Variants in GNG12 observed in about 807,000 individuals in gnomAD.
The protein encoded by GNG12 is G protein subunit gamma 12, also known as guanine nucleotide-binding protein G(I)/G(S)/G(O) subunit gamma-12.
For missense variants in GNG12, 69 were observed against 83.8 expected (o/e 0.82, Z 0.69); for synonymous variants, 28 against 29.7 (o/e 0.94, Z 0.19).
chr1:67,753,058 T>C (rs1354043404), intron 2 of GNG12, among the ~76,000 whole-genome samples: 2 of 152,264 alleles, frequency 1.3e-5, no homozygotes, highest in Admixed American at 1.3e-4. Context: ...CCATGTGCCC[T>C]CTTCCCTACT....
At chr1:67,796,727 T>A (rs1040545628) in intron 1 of GNG12, among the ~76,000 whole-genome samples, 1 of 152,190 alleles carries the variant, frequency 6.6e-6, no homozygotes, top group Admixed American at 6.5e-5. Flanking sequence ...TTTGCTAAGG[T>A]CAATAGAAAT....
intron 2 of GNG12, among the ~76,000 whole-genome samples, chr1:67,769,607 A>G (rs1646661493): frequency 6.6e-6 from 1 of 152,144 alleles, no homozygotes; most frequent in South Asian, 2.1e-4. Flanking sequence ...TCCAAATACT[A>G]GCTTTCTGCT....
chr1:67,785,581 G>A lies in GNG12; in HGVS notation c.-76-8074C>T, dbSNP rs947692944. Among the ~76,000 whole-genome samples the A allele has an allele frequency of 8.5e-5, 13 of 152,234 alleles. No homozygotes were observed. The East Asian group carries it at 1.7e-3, about 20-fold the overall frequency. The stretch of plus-strand genomic sequence containing the variant: ...CTGGCATCTTTCTCTGCATGGAGGA[G>A]CACTCGTTCGATGTTTTACAGAGAT... On this transcript the variant is annotated intron_variant, in intron 1 of 3. Transcript: ENST00000370982.
chr1:67,713,574 G>A (rs963383732), intron 2 of GNG12, among the ~76,000 whole-genome samples: 1 of 152,114 alleles, frequency 6.6e-6, no homozygotes, highest in African/African-American at 2.4e-5. Flanking sequence ...AAGCCATTAT[G>A]GCCTGGCCAG....
At chr1:67,793,044 C>CTG (rs1283704009) in intron 1 of GNG12, among the ~76,000 whole-genome samples, 1 of 152,190 alleles carries the variant, frequency 6.6e-6, no homozygotes, top group Non-Finnish European at 1.5e-5. Context: ...CAATGTCACT[C>CTG]TGTGAATTCC....
chr1:67,732,480 C>A (rs1425712797), intron 2 of GNG12, among the ~76,000 whole-genome samples: 1 of 152,154 alleles, frequency 6.6e-6, no homozygotes, highest in Non-Finnish European at 1.5e-5. Context: ...GGACTAAGTA[C>A]TTTAAATACT....
chr1:67,707,968 T>C (rs376430298), intron 2 of GNG12, among the ~76,000 whole-genome samples: 3 of 152,278 alleles, frequency 2.0e-5, no homozygotes, highest in African/African-American at 2.4e-5. Flanking sequence ...CACCCCAACA[T>C]ATAACACAAA....
At chr1:67,818,413 G>GTT (rs1163831257) in intron 1 of GNG12, among the ~76,000 whole-genome samples, 4,554 of 83,834 alleles carry the variant, frequency 0.054, 391 homozygotes, top group African/African-American at 0.089. Flanking sequence ...AAGACCAGGG[G>GTT]TTTTTTTTTT....
chr1:67,733,719 A>C (rs1646434574), intron 2 of GNG12, among the ~76,000 whole-genome samples: 1 of 152,152 alleles, frequency 6.6e-6, no homozygotes, highest in Non-Finnish European at 1.5e-5. Context: ...CTTCCCCCAA[A>C]CCTTCCTGGG....
At chr1:67,829,453 C>CT (rs929319583) in intron 1 of GNG12, among the ~76,000 whole-genome samples, 3 of 152,042 alleles carry the variant, frequency 2.0e-5, no homozygotes, top group South Asian at 4.1e-4. Context: ...AATTACTGAG[C>CT]TTTTTTTAGA....
chr1:67,831,236 A>T (rs887221893), intron 1 of GNG12, among the ~76,000 whole-genome samples: 16 of 152,192 alleles, frequency 1.1e-4, no homozygotes, highest in South Asian at 8.3e-4. Flanking sequence ...TTCTAATTTT[A>T]AAAAAAACTA....
intron 2 of GNG12, among the ~76,000 whole-genome samples, chr1:67,721,171 T>C (rs1221991806): frequency 6.6e-6 from 1 of 152,190 alleles, no homozygotes; most frequent in Non-Finnish European, 1.5e-5. Context: ...AACTCACTGC[T>C]TTTAGGAGCA....
At chr1:67,741,381 C>T (rs1335202432) in intron 2 of GNG12, among the ~76,000 whole-genome samples, 2 of 152,196 alleles carry the variant, frequency 1.3e-5, no homozygotes, top group Non-Finnish European at 2.9e-5. Flanking sequence ...CCAAGCTGTT[C>T]CTCCTTGTGC....
In GNG12 at chr1:67,712,300, CAT is replaced by C. The variant is rs554617468; in HGVS notation, c.-26-4590_-26-4589del. Among the ~76,000 whole-genome samples, 131 of 152,336 alleles carry C rather than the reference CAT, an allele frequency of 8.6e-4. 1 individual carries two copies. The highest frequency in any genetic ancestry group is 2.9e-3 in the African/African-American group (120 of 41,572). Reference sequence around the variant, plus strand: ...TATTTGTATGGAACCTGTGAGCACACATGTTGCTTGCATATGCATTATTCCAT... The same window carrying C: ...TATTTGTATGGAACCTGTGAGCACACGTTGCTTGCATATGCATTATTCCAT... On this transcript the variant is annotated intron_variant, in intron 2 of 3. Coordinates refer to ENST00000370982, the MANE Select transcript of GNG12 (RefSeq NM_018841.6).
intron 1 of GNG12, among the ~76,000 whole-genome samples, chr1:67,818,547 G>T (rs1646967641): frequency 6.7e-6 from 1 of 149,342 alleles, no homozygotes; most frequent in East Asian, 2.0e-4. Context: ...TTCAACAGAT[G>T]TAAAATGATG....
intron 1 of GNG12, among the ~76,000 whole-genome samples, chr1:67,806,901 C>G (rs1193639246): frequency 6.6e-6 from 1 of 152,128 alleles, no homozygotes; most frequent in Admixed American, 6.6e-5. Flanking sequence ...TTAAAGCCAA[C>G]AGTTGAACTT....
At chr1:67,713,844 C>T (rs1254009069) in intron 2 of GNG12, among the ~76,000 whole-genome samples, 4 of 152,158 alleles carry the variant, frequency 2.6e-5, no homozygotes, top group African/African-American at 9.7e-5. Flanking sequence ...TACTAAATGC[C>T]GGCCCCTAGG....
chr1:67,763,600 A>C (rs1270154377), intron 2 of GNG12, among the ~76,000 whole-genome samples: 1 of 151,796 alleles, frequency 6.6e-6, no homozygotes, highest in East Asian at 1.9e-4. Context: ...TGGTGCAATC[A>C]CATAGCTCTA....
chr1:67,776,033 G>A (rs1205259900), intron 2 of GNG12, among the ~76,000 whole-genome samples: 4 of 152,130 alleles, frequency 2.6e-5, no homozygotes, highest in Admixed American at 6.6e-5. Context: ...ATGGCAGGTA[G>A]GGAGGGAGGT....
Sources: allele counts gnomAD v4.1 joint callset (sites outside exome capture counted in the v4.1 genomes callset), GRCh38; gene constraint gnomAD v4.1.1; transcripts MANE v1.5; gene names NCBI Gene and HGNC (gene_info 2026-07-23, HGNC 2026-07-21).